NOX4: variants seen among roughly 807,000 people sequenced by gnomAD.
NOX4 encodes NADPH oxidase 4, also known as kidney oxidase-1.
A neutral mutation model predicts 87.6 loss-of-function variants in NOX4; 69 were observed. The observed-to-expected ratio is 0.79, with a 90% CI of 0.65 to 0.96. The LOEUF (loss-of-function observed/expected upper bound fraction) is 0.96, where lower values mean the gene tolerates loss of function less well. NOX4 is among the 40% of genes least tolerant of loss of function. NOX4 has a pLI of 0.00. For missense variants in NOX4, 680 were observed against 681.5 expected, an observed-to-expected ratio of 1.00 and a Z score of 0.02; for synonymous variants, 275 against 238.2, an observed-to-expected ratio of 1.15 and a Z score of -1.42.
chr11:89,502,256 C>T (rs535434268), upstream of NOX4, among the ~76,000 whole-genome samples: 4 of 152,062 alleles, frequency 2.6e-5, no homozygotes, highest in South Asian at 2.1e-4. Flanking sequence ...TAGAACCCCA[C>T]GAGTCTTATC....
the NOX4 span, among the ~76,000 whole-genome samples, chr11:89,567,434 C>T: frequency 9.2e-5 from 14 of 152,302 alleles, no homozygotes; most frequent in South Asian, 8.3e-4. Context: ...TTCATTCTCA[C>T]GCTACTATAA....
chr11:89,352,781 G>A (rs919244149), intron 13 of NOX4, among the ~76,000 whole-genome samples: 1 of 152,132 alleles, frequency 6.6e-6, no homozygotes, highest in African/African-American at 2.4e-5. Flanking sequence ...GGATGAGCAA[G>A]TAAAGTAGTT....
At chr11:89,572,602 T>G in the NOX4 span, among the ~76,000 whole-genome samples, 2 of 152,140 alleles carry the variant, frequency 1.3e-5, no homozygotes, top group African/African-American at 4.8e-5. Flanking sequence ...CAGGCTGGAG[T>G]GCAGTGGCAC....
At chr11:89,349,053 C>T (rs1322026595) in intron 13 of NOX4, among the ~76,000 whole-genome samples, 1 of 152,094 alleles carries the variant, frequency 6.6e-6, no homozygotes. Flanking sequence ...TTTTGGGAGA[C>T]CAAGACGGGT....
the NOX4 span, among the ~76,000 whole-genome samples, chr11:89,579,351 A>T: frequency 1.3e-5 from 2 of 152,150 alleles, no homozygotes; most frequent in Non-Finnish European, 2.9e-5. Context: ...ATTGTAGTGA[A>T]TGTACCACTC....
At chr11:89,369,393 A>G (rs1410260900) in intron 12 of NOX4, among the ~76,000 whole-genome samples, 2 of 152,102 alleles carry the variant, frequency 1.3e-5, no homozygotes, top group African/African-American at 4.8e-5. Context: ...AAAAAATGAT[A>G]AACTCCCCAT....
intron 13 of NOX4, among the ~76,000 whole-genome samples, chr11:89,346,081 G>A (rs1946203951): frequency 6.6e-6 from 1 of 152,174 alleles, no homozygotes; most frequent in South Asian, 2.1e-4. Context: ...GACTTCAGTA[G>A]TTTCAGTATA....
intron 8 of NOX4, among the ~76,000 whole-genome samples, chr11:89,408,808 C>T: frequency 6.6e-6 from 1 of 152,176 alleles, no homozygotes; most frequent in East Asian, 1.9e-4. Flanking sequence ...GTTTACTGCT[C>T]TGTTGTCATT....
At chr11:89,533,653 C>T in the NOX4 span, 1 of 152,026 alleles carries the variant, frequency 6.6e-6, no homozygotes, top group Non-Finnish European at 1.5e-5. Context: ...TTATAGATAA[C>T]AGCTAAAGTA....
chr11:89,570,736 G>A, the NOX4 span, among the ~76,000 whole-genome samples: 2 of 152,142 alleles, frequency 1.3e-5, no homozygotes, highest in African/African-American at 4.8e-5. Flanking sequence ...CTGAAGTGGA[G>A]GATCACTGGA....
intron 11 of NOX4, among the ~76,000 whole-genome samples, chr11:89,394,369 C>T (rs1487675253): frequency 6.7e-6 from 1 of 149,484 alleles, no homozygotes; most frequent in African/African-American, 2.5e-5. Flanking sequence ...AAAAAAAAAA[C>T]TCTTGCTGCT....
intron 5 of NOX4, among the ~76,000 whole-genome samples, chr11:89,441,805 G>A (rs947968375): frequency 2.0e-5 from 3 of 151,798 alleles, no homozygotes; most frequent in Non-Finnish European, 2.9e-5. Context: ...AGATTTAGCC[G>A]GGCTATCAAG....
chr11:89,514,385 A>C, the NOX4 span, among the ~76,000 whole-genome samples: 537 of 152,118 alleles, frequency 3.5e-3, 5 homozygotes, highest in African/African-American at 0.012. Flanking sequence ...TTTAACTCTA[A>C]CAGTTTTTCA....
upstream of NOX4, among the ~76,000 whole-genome samples, chr11:89,501,261 A>T (rs1947014416): frequency 6.6e-6 from 1 of 152,068 alleles, no homozygotes; most frequent in African/African-American, 2.4e-5. Context: ...TAATAGATTA[A>T]AATTCCCCTA....
chr11:89,328,389 C>A (rs897337874), intron 17 of NOX4, among the ~76,000 whole-genome samples: 64 of 152,168 alleles, frequency 4.2e-4, no homozygotes, highest in African/African-American at 1.4e-3. Context: ...AAACGTATCA[C>A]CTTATTTGCA....
At chr11:89,565,070 A>G in the NOX4 span, among the ~76,000 whole-genome samples, 1 of 152,186 alleles carries the variant, frequency 6.6e-6, no homozygotes, top group African/African-American at 2.4e-5. Flanking sequence ...GGATTTAGCC[A>G]GTGAACATAT....
chr11:89,475,895 T>G (rs1350534065), intron 2 of NOX4, among the ~76,000 whole-genome samples: 1 of 152,114 alleles, frequency 6.6e-6, no homozygotes, highest in African/African-American at 2.4e-5. Flanking sequence ...GATATCATAT[T>G]TCCATACTAT....
chr11:89,386,501 C>T (rs1038457959), intron 11 of NOX4, among the ~76,000 whole-genome samples: 2 of 152,080 alleles, frequency 1.3e-5, no homozygotes, highest in Non-Finnish European at 2.9e-5. Context: ...CTTTTATACG[C>T]ACTGTTATTC....
intron 6 of NOX4, 54 bp downstream of exon 6, chr11:89,440,634 C>A: frequency 7.7e-7 from 1 of 1,297,346 alleles, no homozygotes. Flanking sequence ...CCGATAATGC[C>A]TACTTTTAAA....
Sources: allele counts gnomAD v4.1 joint callset (sites outside exome capture counted in the v4.1 genomes callset), GRCh38; gene constraint gnomAD v4.1.1; transcripts MANE v1.5; gene names NCBI Gene and HGNC (gene_info 2026-07-23, HGNC 2026-07-21).